DGKB: variants seen among roughly 807,000 people sequenced by gnomAD.
DGKB encodes the protein diacylglycerol kinase beta, also known as 90 kDa diacylglycerol kinase.
A neutral mutation model predicts 114.3 loss-of-function variants in DGKB; 67 were observed. The ratio of observed to expected loss-of-function variants is 0.59; its 90% CI spans 0.48 to 0.72. The LOEUF (loss-of-function observed/expected upper bound fraction) is 0.72, where lower values mean the gene tolerates loss of function less well. Ranked by LOEUF, DGKB falls within the 30% of genes least tolerant of loss-of-function variation. The pLI is 0.00. For missense variants in DGKB, 907 were observed against 975.2 expected (o/e 0.93, Z 0.93); for synonymous variants, 398 against 323.1 (o/e 1.23, Z -2.49).
At chr7:14,518,942 G>C (rs906805573) in intron 20 of DGKB, among the ~76,000 whole-genome samples, 1 of 152,026 alleles carries the variant, frequency 6.6e-6, no homozygotes, top group African/African-American at 2.4e-5. Flanking sequence ...CAAGTTCCCA[G>C]GTGATTGTGA....
intron 20 of DGKB, among the ~76,000 whole-genome samples, chr7:14,483,615 C>A (rs868858323): frequency 1.3e-5 from 2 of 152,136 alleles, no homozygotes; most frequent in Middle Eastern, 3.4e-3. Context: ...ATCTCTAGAA[C>A]CTTGAAATGT....
chr7:14,598,110 A>G (rs1277677345), intron 17 of DGKB, among the ~76,000 whole-genome samples: 7 of 152,180 alleles, frequency 4.6e-5, no homozygotes, highest in Non-Finnish European at 1.0e-4. Flanking sequence ...TATCACTAAT[A>G]TCTAATGTCT....
intron 21 of DGKB, among the ~76,000 whole-genome samples, chr7:14,451,613 G>A (rs1441731500): frequency 1.3e-5 from 2 of 149,888 alleles, no homozygotes; most frequent in South Asian, 2.1e-4. Flanking sequence ...TCTGGAATAC[G>A]CTAAAATACT....
At chr7:14,738,090 T>C (rs1006008283) in intron 4 of DGKB, among the ~76,000 whole-genome samples, 1 of 152,198 alleles carries the variant, frequency 6.6e-6, no homozygotes, top group Non-Finnish European at 1.5e-5. Flanking sequence ...GGGATCCAAA[T>C]AGTTTCCTTG....
intron 21 of DGKB, among the ~76,000 whole-genome samples, chr7:14,410,726 CATAA>C (rs1395893729): frequency 2.0e-5 from 3 of 151,880 alleles, no homozygotes; most frequent in African/African-American, 7.3e-5. Context: ...ATCTGAGCTA[CATAA>C]ATATCTTTAA....
At chr7:14,311,442 G>C (rs1272980940) in intron 23 of DGKB, among the ~76,000 whole-genome samples, 2 of 150,804 alleles carry the variant, frequency 1.3e-5, no homozygotes, top group Non-Finnish European at 3.0e-5. Context: ...TTTTTTTTTA[G>C]ACAAGGTTTC....
intron 21 of DGKB, among the ~76,000 whole-genome samples, chr7:14,425,704 G>C (rs952031092): frequency 3.3e-5 from 5 of 152,082 alleles, no homozygotes; most frequent in African/African-American, 1.2e-4. Context: ...TGTAACAGCA[G>C]GAGAGAGAAG....
chr7:14,510,123 T>C (rs1250923632), intron 20 of DGKB, among the ~76,000 whole-genome samples: 1 of 152,100 alleles, frequency 6.6e-6, no homozygotes, highest in Non-Finnish European at 1.5e-5. Flanking sequence ...CCAATCAGGG[T>C]GGTGGTTGCT....
At chr7:14,760,798 G>A (rs66726862) in intron 2 of DGKB, among the ~76,000 whole-genome samples, 16,042 of 152,110 alleles carry the variant, frequency 0.11, 981 homozygotes, top group African/African-American at 0.17. Context: ...GTTTCTATGA[G>A]AGTAAAAAAC....
intron 24 of DGKB, among the ~76,000 whole-genome samples, chr7:14,177,820 G>C (rs1174513850): frequency 1.3e-5 from 2 of 152,050 alleles, no homozygotes; most frequent in African/African-American, 4.8e-5. Context: ...GTCAACAAGA[G>C]AGAATCAGAT....
chr7:14,212,611 C>T (rs1788301524), intron 23 of DGKB, among the ~76,000 whole-genome samples: 1 of 152,084 alleles, frequency 6.6e-6, no homozygotes. Context: ...CTTCAATTGC[C>T]ATCATCTTGC....
intron 23 of DGKB, among the ~76,000 whole-genome samples, chr7:14,225,255 G>C (rs1177575521): frequency 6.6e-6 from 1 of 152,004 alleles, no homozygotes; most frequent in Non-Finnish European, 1.5e-5. Context: ...ACTGGCATGG[G>C]GACAATAGTA....
chr7:14,492,350 G>C (rs1418989334), intron 20 of DGKB, among the ~76,000 whole-genome samples: 2 of 152,058 alleles, frequency 1.3e-5, no homozygotes, highest in East Asian at 3.9e-4. Context: ...GGGGGTGATG[G>C]CTGGAGTTGA....
rs1554404748 is a variant in DGKB, at chr7:14,392,995, G to GTTTTTTTTTTTTTTTTTTTTTTTTT, written c.1836-47605_1836-47604insAAAAAAAAAAAAAAAAAAAAAAAAA. 1.3e-4 allele frequency among the ~76,000 whole-genome samples: 8 copies of GTTTTTTTTTTTTTTTTTTTTTTTTT among 60,546 alleles called. 1 individual carries two copies. The highest frequency in any genetic ancestry group is 2.4e-4 in the African/African-American group (5 of 20,684). The allele number at this position is 60,546 out of a possible 152,430, so 39.7% of individuals were successfully genotyped here. A position where few individuals can be genotyped will look rare whatever the true frequency, so the allele number is the denominator to read the frequency against. On this transcript the variant is annotated intron_variant, in intron 21 of 25. Coordinates refer to ENST00000402815, the MANE Select transcript of DGKB (RefSeq NM_001350709.2). ...CAAAACAGACCTGTTTTTTGTTTTT[G>GTTTTTTTTTTTTTTTTTTTTTTTTT]TTTTTTTTTTTTTGAGACGGAGTCT...
intron 2 of DGKB, among the ~76,000 whole-genome samples, chr7:14,769,280 A>AAGAT (rs1837056381): frequency 6.8e-6 from 1 of 147,288 alleles, no homozygotes; most frequent in Non-Finnish European, 1.5e-5. Context: ...GAAAGAAAGA[A>AAGAT]AGATTTTGTA....
At chr7:14,919,095 A>ACACAAACACACACACAC (rs1554345122) in intron 1 of DGKB, among the ~76,000 whole-genome samples, 31 of 114,964 alleles carry the variant, frequency 2.7e-4, no homozygotes, top group African/African-American at 9.7e-4. Context: ...CACACACACA[A>ACACAAACACACACACAC]ACACACACAC....
At chr7:14,418,922 A>G (rs1826227262) in intron 21 of DGKB, among the ~76,000 whole-genome samples, 1 of 151,908 alleles carries the variant, frequency 6.6e-6, no homozygotes, top group Admixed American at 6.6e-5. Flanking sequence ...AAATCAGGAA[A>G]TAAGGTTGCT....
At chr7:14,760,259 G>C (rs1835494664) in intron 2 of DGKB, among the ~76,000 whole-genome samples, 1 of 151,980 alleles carries the variant, frequency 6.6e-6, no homozygotes, top group Non-Finnish European at 1.5e-5. Context: ...CATGTCCCTT[G>C]CTAGATTGGA....
intron 1 of DGKB, among the ~76,000 whole-genome samples, chr7:14,939,878 G>T (rs958622100): frequency 6.6e-6 from 1 of 151,964 alleles, no homozygotes; most frequent in African/African-American, 2.4e-5. Context: ...CTCCCAAAGT[G>T]CTGGGATTAC....
Sources: gnomAD v4.1 joint callset for allele counts (sites outside exome capture counted in the v4.1 genomes callset) on GRCh38, gnomAD v4.1.1 for gene constraint, MANE v1.5 for transcripts, NCBI Gene and HGNC (gene_info 2026-07-23, HGNC 2026-07-21) for gene names.